The following TLL2 variants were observed in gnomAD, a reference collection of about 807,000 sequenced individuals.
TLL2 encodes tolloid-like protein 2.
In TLL2, 106 loss-of-function variants were observed where a neutral mutation model predicts 123.0. That is an observed-to-expected ratio of 0.86 (90% confidence interval 0.74 to 1.01). The LOEUF (loss-of-function observed/expected upper bound fraction) is 1.01, where lower values mean the gene tolerates loss of function less well. Ranked by LOEUF, TLL2 falls within the 50% of genes least tolerant of loss-of-function variation. TLL2 has a pLI of 0.00. For synonymous variants in TLL2, 494 were observed against 516.8 expected, an observed-to-expected ratio of 0.96 and a Z score of 0.60; for missense variants, 1,332 against 1,336.7, an observed-to-expected ratio of 1.00 and a Z score of 0.06.
At chr10:96,419,683 C>G (rs1846600340) in intron 7 of TLL2, among the ~76,000 whole-genome samples, 2 of 152,152 alleles carry the variant, frequency 1.3e-5, no homozygotes, top group Admixed American at 1.3e-4. Context: ...AGCAGTACCC[C>G]CTGAGAACTT....
intron 1 of TLL2, among the ~76,000 whole-genome samples, chr10:96,505,549 A>C (rs1182695750): frequency 6.6e-6 from 1 of 152,228 alleles, no homozygotes; most frequent in African/African-American, 2.4e-5. Flanking sequence ...TAATAACCCT[A>C]TGTGGGTAGA....
At chr10:96,431,830 C>T (rs1237934425) in intron 4 of TLL2, among the ~76,000 whole-genome samples, 1 of 152,064 alleles carries the variant, frequency 6.6e-6, no homozygotes, top group African/African-American at 2.4e-5. Context: ...GTGATGTGTC[C>T]CTTGACATAA....
In TLL2 at chr10:96,422,804, T is replaced by A. The variant is rs888425483; in HGVS notation, c.639-77A>T. ...AAGAGGCAAGTCCCCCCTCCCACTC[T>A]GTATGTGTGTGCGTGTGTGCATGTA... On this transcript the variant is annotated intron_variant, in intron 5 of 20. Transcript: ENST00000357947. 3 of 1,518,128 alleles carry A rather than the reference T, an allele frequency of 2.0e-6. No individual in the cohort carries two copies. The African/African-American group carries it at 4.1e-5, about 21-fold the overall frequency. 94.0% of individuals were successfully genotyped at this position (1,518,128 alleles called of 1,614,324 possible). A position where few individuals can be genotyped will look rare whatever the true frequency, so the allele number is the denominator to read the frequency against.
At position 96,367,731 on chromosome 10, in the gene TLL2, T is replaced by C. The variant is rs113395705; in HGVS notation, c.*357A>G. 2.0e-3 allele frequency: 407 copies of C among 198,852 alleles called. 2 individuals are homozygous for C. Among genetic ancestry groups the C allele is most frequent in the African/African-American group, 8.9e-3 (388 of 43,606 alleles). 12.3% of individuals were successfully genotyped at this position (198,852 alleles called of 1,614,324 possible). A position where few individuals can be genotyped will look rare whatever the true frequency, so the allele number is the denominator to read the frequency against. ...GGCACCTTTGCAAGCAAGTCCAGAT[T>C]AGAGGAACGGCCAACCCCAAGGCTG... On this transcript the variant is annotated 3_prime_UTR_variant, in exon 21 of 21. Transcript: ENST00000357947.
chr10:96,398,382 C>T (rs578038690), intron 10 of TLL2, among the ~76,000 whole-genome samples: 21 of 152,198 alleles, frequency 1.4e-4, no homozygotes, highest in Non-Finnish European at 2.9e-4. Context: ...ATGCCCCCCG[C>T]CACCACCATG....
intron 2 of TLL2, among the ~76,000 whole-genome samples, chr10:96,453,263 C>A (rs1846979543): frequency 6.6e-6 from 1 of 152,078 alleles, no homozygotes; most frequent in South Asian, 2.1e-4. Flanking sequence ...CAAGACCAAC[C>A]TGCTCAACAT....
chr10:96,417,678 C>G (rs540697316), intron 7 of TLL2, among the ~76,000 whole-genome samples: 1 of 152,166 alleles, frequency 6.6e-6, no homozygotes. Context: ...CAGTGTAAAG[C>G]CTGGTCTAGC....
At chr10:96,480,884 C>T (rs1185540894) in intron 1 of TLL2, among the ~76,000 whole-genome samples, 3 of 152,222 alleles carry the variant, frequency 2.0e-5, no homozygotes, top group Non-Finnish European at 4.4e-5. Context: ...TTATAGCTCA[C>T]TGCCCCATTG....
chr10:96,473,778 G>T (rs1276381276), intron 2 of TLL2, among the ~76,000 whole-genome samples: 1 of 152,056 alleles, frequency 6.6e-6, no homozygotes, highest in Non-Finnish European at 1.5e-5. Context: ...TCCTTTTCAG[G>T]TACATTTACA....
At chr10:96,413,712 C>T (rs1443150589) in intron 7 of TLL2, among the ~76,000 whole-genome samples, 1 of 152,120 alleles carries the variant, frequency 6.6e-6, no homozygotes. Flanking sequence ...AGTCCTGGAG[C>T]CACCCCAGGG....
chr10:96,495,491 A>T (rs1285992549), intron 1 of TLL2, among the ~76,000 whole-genome samples: 1 of 152,166 alleles, frequency 6.6e-6, no homozygotes, highest in Non-Finnish European at 1.5e-5. Context: ...CTAGAAAGAA[A>T]GTTCTAGGAA....
intron 7 of TLL2, among the ~76,000 whole-genome samples, chr10:96,415,632 C>T (rs1228202092): frequency 2.0e-5 from 3 of 149,266 alleles, no homozygotes; most frequent in African/African-American, 7.4e-5. Context: ...AAAGCACTGT[C>T]TTTTAAAAAC....
intron 20 of TLL2, among the ~76,000 whole-genome samples, chr10:96,369,285 T>C (rs573504359): frequency 7.7e-4 from 117 of 152,288 alleles, no homozygotes; most frequent in Non-Finnish European, 1.4e-3. Context: ...GCAAACACAA[T>C]AGGCCCACTA....
intron 2 of TLL2, among the ~76,000 whole-genome samples, chr10:96,458,301 T>C (rs1207962763): frequency 6.6e-6 from 1 of 152,128 alleles, no homozygotes; most frequent in African/African-American, 2.4e-5. Flanking sequence ...CATTAAAATT[T>C]GTCCGCCAGG....
At chr10:96,505,151 T>C (rs755921185) in intron 1 of TLL2, among the ~76,000 whole-genome samples, 5 of 152,206 alleles carry the variant, frequency 3.3e-5, no homozygotes, top group African/African-American at 4.8e-5. Context: ...CTTACAATCA[T>C]GGTGGAAGGT....
Position 96,364,957 on chromosome 10 carries a change from G to C in TLL2, c.*3131C>G, listed in dbSNP as rs1464258169. The C allele has an allele frequency of 6.6e-6, 1 of 152,148 alleles. No homozygotes were observed. The highest frequency in any genetic ancestry group is 2.4e-5 in the African/African-American group (1 of 41,428). 9.4% of individuals were successfully genotyped at this position (152,148 alleles called of 1,614,324 possible). Reference sequence around the variant, plus strand: ...TCAATGTGAATTTGCTAGTTAGCAGGATTTTACAAATTATTTAAATCAGCT... The same window carrying C: ...TCAATGTGAATTTGCTAGTTAGCAGCATTTTACAAATTATTTAAATCAGCT... On this transcript the variant is annotated 3_prime_UTR_variant, in exon 21 of 21. Transcript: ENST00000357947.
intron 5 of TLL2, among the ~76,000 whole-genome samples, chr10:96,424,774 TG>T (rs3033623): frequency 4.7e-4 from 66 of 140,180 alleles, no homozygotes; most frequent in African/African-American, 1.6e-3. Context: ...TGTATTGTTT[TG>T]TTTTTTTTGC....
In TLL2 at chr10:96,373,672, G is replaced by A. The variant is rs748117163; in HGVS notation, c.2586C>T (p.Ser862=). Residue 862 remains serine (S), a synonymous_variant, in exon 19 of 21, where the codon TCC becomes TCT. Transcript: ENST00000357947. ...AAAACCTGAGAAACATACTGCTGCC[G>A]GAAGCCACCGTGGGGTCTGGTTTCT... The part of the protein sequence containing the change: ...GSKKPDPTVA[S]GSSMFLRFYS... 9.9e-6 allele frequency: 16 copies of A among 1,614,150 alleles called. No individual in the cohort carries two copies. The Admixed American group carries it at 1.0e-4, about 10-fold the overall frequency.
chr10:96,415,091 G>C (rs1846541070), intron 7 of TLL2, among the ~76,000 whole-genome samples: 1 of 152,142 alleles, frequency 6.6e-6, no homozygotes, highest in Non-Finnish European at 1.5e-5. Flanking sequence ...TTTTTGCTTA[G>C]AACGCTTCAC....
Sources: gnomAD v4.1 joint callset for allele counts (sites outside exome capture counted in the v4.1 genomes callset) on GRCh38, gnomAD v4.1.1 for gene constraint, MANE v1.5 for transcripts, NCBI Gene and HGNC (gene_info 2026-07-23, HGNC 2026-07-21) for gene names.